The following CHAF1B variants were observed in gnomAD, a reference collection of about 807,000 sequenced individuals.
The protein encoded by CHAF1B is chromatin assembly factor 1 subunit B, also known as CAF-1 subunit B.
CHAF1B carries 10 observed loss-of-function variants against 60.7 expected under a neutral mutation model. The observed-to-expected ratio is 0.16, with a 90% CI of 0.10 to 0.28. CHAF1B has a LOEUF of 0.28. Among genes scored for constraint, CHAF1B ranks in the 10% least tolerant of loss-of-function variants. The probability of loss-of-function intolerance (pLI) is 1.00; values close to 1 mark genes in which losing one functional copy is unlikely to be tolerated. For synonymous variants in CHAF1B, 261 were observed against 266.1 expected, an observed-to-expected ratio of 0.98 and a Z score of 0.19; for missense variants, 558 against 708.4, an observed-to-expected ratio of 0.79 and a Z score of 2.41.
At chr21:36,391,907 A>ATT (rs55920360) in intron 4 of CHAF1B, among the ~76,000 whole-genome samples, 2,348 of 66,968 alleles carry the variant, frequency 0.035, 156 homozygotes, top group African/African-American at 0.1. Context: ...TGATTTTTAA[A>ATT]TTTTTTTTTT....
At chr21:36,393,064 C>G (rs1187782050) in intron 4 of CHAF1B, among the ~76,000 whole-genome samples, 1 of 152,186 alleles carries the variant, frequency 6.6e-6, no homozygotes. Flanking sequence ...ATACGAAAAC[C>G]AGACAGGCGT....
At position 36,415,405 on chromosome 21, in the gene CHAF1B, A is replaced by G. The variant is rs780462007; in HGVS notation, c.1588+16A>G. ...ATTCAGTCAGGTAAGTAATATTGTT[A>G]CTGGTTTAATATAATGAAAGGTAGA... is the stretch of plus-strand genomic sequence containing the variant. On this transcript the variant is annotated intron_variant, in intron 13 of 13. Coordinates refer to ENST00000314103, the MANE Select transcript of CHAF1B (RefSeq NM_005441.3). 9.0e-6 allele frequency: 13 copies of G among 1,441,362 alleles called. No individual in the cohort carries two copies. In the East Asian group the frequency reaches 2.9e-4, roughly 33 times the overall value. The allele number at this position is 1,441,362 out of a possible 1,614,324, so 89.3% of individuals were successfully genotyped here. A position where few individuals can be genotyped will look rare whatever the true frequency, so the allele number is the denominator to read the frequency against.
intron 8 of CHAF1B, among the ~76,000 whole-genome samples, chr21:36,403,341 C>T (rs1480845437): frequency 6.6e-6 from 1 of 151,110 alleles, no homozygotes; most frequent in Non-Finnish European, 1.5e-5. Context: ...CCTGTAATCC[C>T]AGCCACTTGG....
At chr21:36,389,784 T>C (rs2086069203) in intron 3 of CHAF1B, among the ~76,000 whole-genome samples, 1 of 129,724 alleles carries the variant, frequency 7.7e-6, no homozygotes, top group African/African-American at 3.6e-5. Flanking sequence ...TGTGTGTGTG[T>C]GTGTGTGTGT....
chr21:36,411,099 T>C (rs543955673), intron 10 of CHAF1B, among the ~76,000 whole-genome samples: 167 of 144,436 alleles, frequency 1.2e-3, no homozygotes, highest in Non-Finnish European at 1.9e-3. Flanking sequence ...GGATGTATTT[T>C]TATTCTTATA....
chr21:36,391,956 T>G (rs1330491503), intron 4 of CHAF1B, among the ~76,000 whole-genome samples: 2 of 144,774 alleles, frequency 1.4e-5, no homozygotes, highest in Non-Finnish European at 3.0e-5. Context: ...TTGATCATTC[T>G]TGGGTGTTTC....
chr21:36,403,409 A>G (rs904871680), intron 8 of CHAF1B, among the ~76,000 whole-genome samples: 1 of 144,810 alleles, frequency 6.9e-6, no homozygotes, highest in African/African-American at 2.6e-5. Flanking sequence ...GTGAGCCGAG[A>G]TCACACCACT....
At chr21:36,407,405 T>C (rs1411294114) in intron 8 of CHAF1B, among the ~76,000 whole-genome samples, 1 of 151,820 alleles carries the variant, frequency 6.6e-6, no homozygotes, top group Admixed American at 6.6e-5. Flanking sequence ...AGAGGCTGGG[T>C]GAATGAATCT....
At chr21:36,396,358 C>CAAA (rs777079304) in intron 5 of CHAF1B, among the ~76,000 whole-genome samples, 1,416 of 51,768 alleles carry the variant, frequency 0.027, 6 homozygotes, top group East Asian at 0.037. Flanking sequence ...CCAAAAACCT[C>CAAA]AAAAAAAAAA....
In CHAF1B at chr21:36,415,316, A is replaced by C. The variant is rs2086309332; in HGVS notation, c.1515A>C (p.Leu505Phe). The C allele has an allele frequency of 6.2e-7, 1 of 1,611,920 alleles. No individual in the cohort carries two copies. The highest frequency in any genetic ancestry group is 1.7e-5 in the Admixed American group (1 of 59,968). Residue 505 changes from leucine to phenylalanine, a missense_variant, in exon 13 of 14, where the codon TTA becomes TTC. By Grantham distance (22) the Leu-to-Phe change is conservative. Transcript: ENST00000314103. ...TTPRRINLTP[L>F]KTDTPPSSVP... ...CAAGGAGAATAAACTTAACACCCTT[A>C]AAGACGGACACTCCACCAAGTTCTG...
chr21:36,418,848 CAAA>C lies in CHAF1B; in HGVS notation c.*2495_*2497del, dbSNP rs577107606. 4.9e-5 allele frequency: 5 copies of C among 102,370 alleles called. No individual in the cohort carries two copies. The highest frequency in any genetic ancestry group is 6.6e-5 in the Non-Finnish European group (3 of 45,254). The allele number at this position is 102,370 out of a possible 1,614,324, so 6.3% of individuals were successfully genotyped here. ...TGGGCGACAGAGCGAGACTCTGTCT[CAAA>C]AAAAAAAAAAAAGAGAAAAAGAAGA... On this transcript the variant is annotated 3_prime_UTR_variant, in exon 14 of 14. Transcript: ENST00000314103.
intron 3 of CHAF1B, among the ~76,000 whole-genome samples, chr21:36,388,247 A>G (rs1211305006): frequency 6.6e-6 from 1 of 152,142 alleles, no homozygotes; most frequent in African/African-American, 2.4e-5. Context: ...GAAACCAGGA[A>G]CACCTGTTTG....
chr21:36,417,788 G>A lies in CHAF1B; in HGVS notation c.*1422G>A, dbSNP rs1445029667. 3 of 151,804 alleles carry A rather than the reference G, an allele frequency of 2.0e-5. No individual in the cohort carries two copies. Among genetic ancestry groups the A allele is most frequent in the African/African-American group, 7.3e-5 (3 of 41,298 alleles). The allele number at this position is 151,804 out of a possible 1,614,324, so 9.4% of individuals were successfully genotyped here. On this transcript the variant is annotated 3_prime_UTR_variant, in exon 14 of 14. Coordinates refer to ENST00000314103, the MANE Select transcript of CHAF1B (RefSeq NM_005441.3). Reference sequence around the variant, plus strand: ...GGTCAAATGGTATCTGTTTTGACGGGTGGTTCTCAACTGTAGCTGCATACT... The same window carrying A: ...GGTCAAATGGTATCTGTTTTGACGGATGGTTCTCAACTGTAGCTGCATACT...
chr21:36,402,140 A>G (rs1264970194), intron 7 of CHAF1B, among the ~76,000 whole-genome samples: 3 of 151,956 alleles, frequency 2.0e-5, no homozygotes, highest in Non-Finnish European at 4.4e-5. Flanking sequence ...ATAATCCACT[A>G]TTTTCTTTTT....
At chr21:36,406,474 T>A (rs1569127653) in intron 8 of CHAF1B, among the ~76,000 whole-genome samples, 1 of 152,042 alleles carries the variant, frequency 6.6e-6, no homozygotes, top group Non-Finnish European at 1.5e-5. Context: ...TTAGTAGAGA[T>A]GAGGTTTTAC....
chr21:36,393,616 T>C (rs908076845), intron 4 of CHAF1B, among the ~76,000 whole-genome samples: 10 of 151,796 alleles, frequency 6.6e-5, no homozygotes. Flanking sequence ...TATGCCCAGC[T>C]AATTTTTTTG....
At chr21:36,406,747 AT>A (rs2086240952) in intron 8 of CHAF1B, among the ~76,000 whole-genome samples, 1 of 152,116 alleles carries the variant, frequency 6.6e-6, no homozygotes, top group African/African-American at 2.4e-5. Context: ...ATCTCTTAGC[AT>A]TTTTCAGGAA....
intron 8 of CHAF1B, among the ~76,000 whole-genome samples, chr21:36,404,606 G>A (rs1264387446): frequency 1.3e-5 from 2 of 148,762 alleles, no homozygotes; most frequent in African/African-American, 2.5e-5. Context: ...AGCTAATTTT[G>A]TATTTTTAGT....
intron 11 of CHAF1B, among the ~76,000 whole-genome samples, 153 bp downstream of exon 11, chr21:36,411,757 A>G (rs955349116): frequency 6.6e-6 from 1 of 152,124 alleles, no homozygotes; most frequent in South Asian, 2.1e-4. Context: ...GAGACCAAGT[A>G]TCACTCTGTC....
Sources: allele counts gnomAD v4.1 joint callset (sites outside exome capture counted in the v4.1 genomes callset), GRCh38; gene constraint gnomAD v4.1.1; transcripts MANE v1.5; gene names NCBI Gene and HGNC (gene_info 2026-07-23, HGNC 2026-07-21).